Variants in CD101 observed in about 807,000 individuals in gnomAD.
The protein encoded by CD101 is CD101 molecule.
A neutral mutation model predicts 98.2 loss-of-function variants in CD101; 76 were observed. The observed-to-expected ratio is 0.77, with a 90% CI of 0.64 to 0.94. CD101 has a LOEUF of 0.94. CD101 is among the 40% of genes least tolerant of loss of function. The pLI, the probability that CD101 is intolerant of heterozygous loss-of-function variation, is 0.00. For synonymous variants in CD101, 471 were observed against 472.7 expected, an observed-to-expected ratio of 1.00 and a Z score of 0.05; for missense variants, 1,145 against 1,218.8, an observed-to-expected ratio of 0.94 and a Z score of 0.90.
intron 8 of CD101, among the ~76,000 whole-genome samples, chr1:117,027,244 T>C (rs1653999042): frequency 6.6e-6 from 1 of 152,218 alleles, no homozygotes; most frequent in African/African-American, 2.4e-5. Flanking sequence ...TGTACATCTA[T>C]GTGACAAAAT....
In CD101 at chr1:117,033,352, G is replaced by T. The variant is rs1184125229; in HGVS notation, c.2825-508G>T. On this transcript the variant is annotated intron_variant, in intron 8 of 9. Transcript: ENST00000682167. This position sits in a 1 kb window ranked among gnomAD's most constrained non-coding sequence, Gnocchi z 4.8. ...CCAGGCTTGGGTCAGCGGGGGTAGG[G>T]GCTTCTTATTGTGGGTGTGATTGTT... Among the ~76,000 whole-genome samples the T allele has an allele frequency of 1.3e-5, 2 of 152,034 alleles. No homozygotes were observed. The highest frequency in any genetic ancestry group is 4.8e-5 in the African/African-American group (2 of 41,370).
intron 8 of CD101, among the ~76,000 whole-genome samples, chr1:117,031,907 C>T (rs1045075042): frequency 1.3e-5 from 2 of 152,156 alleles, no homozygotes; most frequent in African/African-American, 4.8e-5. Context: ...TGCTCACAGC[C>T]AGTGCTTATA....
chr1:117,018,267 T>C lies in CD101; in HGVS notation c.1724T>C (p.Leu575Pro). Residue 575 changes from leucine (L) to proline (P), a missense_variant, in exon 6 of 10, where the codon CTC becomes CCC. Leu to Pro is a moderately conservative substitution (Grantham distance 98). Coordinates refer to ENST00000682167, the MANE Select transcript of CD101 (RefSeq NM_001256106.3). The surrounding 1 kb of genome is among the most constrained non-coding windows in gnomAD (Gnocchi z 4.3). The stretch of plus-strand genomic sequence containing the variant: ...GGTTACTCTGACCTCAAGGTGCCAC[T>C]CACTGTGACGTGGCAGTTCCAGCCA... Reference protein sequence around the residue: ...RAGYSDLKVPLTVTWQFQPAS... With the variant: ...RAGYSDLKVPPTVTWQFQPAS... 6.2e-7 allele frequency: 1 copy of C among 1,614,196 alleles called. No homozygotes were observed. Among genetic ancestry groups the C allele is most frequent in the Non-Finnish European group, 8.5e-7 (1 of 1,180,032 alleles).
At chr1:117,014,852 A>C (rs1167939563) in intron 4 of CD101, among the ~76,000 whole-genome samples, 1 of 152,214 alleles carries the variant, frequency 6.6e-6, no homozygotes, top group Non-Finnish European at 1.5e-5. Context: ...GCAGGCCAGG[A>C]AGTGTGTTGG....
intron 8 of CD101, among the ~76,000 whole-genome samples, chr1:117,029,179 G>GA (rs1385777833): frequency 2.1e-5 from 2 of 97,226 alleles, no homozygotes; most frequent in Non-Finnish European, 4.1e-5. Context: ...AAGAAAGAAA[G>GA]AAAGAAAGAA....
chr1:117,024,346 C>A (rs1457583508), intron 7 of CD101, among the ~76,000 whole-genome samples: 4 of 151,994 alleles, frequency 2.6e-5, no homozygotes. Context: ...GCATGGTGGC[C>A]CATGCCTGTA....
Position 117,017,459 on chromosome 1 carries a change from C to G in CD101, c.1598C>G (p.Thr533Ser), listed in dbSNP as rs749403466. ...DLSWTQKISV[T>S]VKSLESSLQV... Reference sequence around the variant, plus strand: ...AGCTGGACTCAGAAGATTTCAGTTACTGTAAAGTCTCTGGGTAAGTGTCAA... The same window carrying G: ...AGCTGGACTCAGAAGATTTCAGTTAGTGTAAAGTCTCTGGGTAAGTGTCAA... The change falls in exon 5 of 10, where the codon ACT becomes AGT. Residue 533 changes from threonine to serine, a missense_variant. Thr to Ser is a moderately conservative substitution (Grantham distance 58). Transcript: ENST00000682167. 1.2e-6 allele frequency: 2 copies of G among 1,609,898 alleles called. No homozygotes were observed. The highest frequency in any genetic ancestry group is 1.7e-6 in the Non-Finnish European group (2 of 1,177,058).
intron 6 of CD101, among the ~76,000 whole-genome samples, chr1:117,020,749 A>G (rs1192045432): frequency 3.3e-5 from 5 of 152,190 alleles, no homozygotes; most frequent in African/African-American, 1.2e-4. Flanking sequence ...TGAGCCACTG[A>G]GGGAAGATAT....
At chr1:117,025,001 C>A (rs1360481802) in intron 7 of CD101, among the ~76,000 whole-genome samples, 1 of 152,164 alleles carries the variant, frequency 6.6e-6, no homozygotes, top group Admixed American at 6.5e-5. Flanking sequence ...AGGAAAGAGG[C>A]TGGTTTGATT....
chr1:117,007,210 T>G (rs1189615059), intron 1 of CD101, among the ~76,000 whole-genome samples: 1 of 151,928 alleles, frequency 6.6e-6, no homozygotes, highest in Non-Finnish European at 1.5e-5. Flanking sequence ...AAGCACAAAG[T>G]AAAATCTGTA....
intron 1 of CD101, among the ~76,000 whole-genome samples, chr1:117,008,312 A>G (rs975537446): frequency 1.3e-5 from 2 of 152,120 alleles, no homozygotes; most frequent in South Asian, 2.1e-4. Context: ...TAAAAATATA[A>G]AACTTATCCA....
Position 117,021,857 on chromosome 1 carries a change from G to A in CD101, c.2302G>A (p.Val768Met), listed in dbSNP as rs2101138275. The A allele has an allele frequency of 3.1e-6, 5 of 1,614,210 alleles. No homozygotes were observed. The highest frequency in any genetic ancestry group is 4.2e-6 in the Non-Finnish European group (5 of 1,180,040). The part of the protein sequence containing the change: ...QDLFQLHILN[V>M]EDSDRGKYHC... ...CTTATTTCAGCTGCACATTCTGAAT[G>A]TGGAAGACAGCGATCGGGGCAAATA... Residue 768 changes from valine (V) to methionine (M), a missense_variant, in exon 7 of 10, where the codon GTG (valine) becomes ATG (methionine). Transcript: ENST00000682167. The surrounding 1 kb of genome is among the most constrained non-coding windows in gnomAD (Gnocchi z 4.7).
At position 117,013,342 on chromosome 1, in the gene CD101, C is replaced by T. The variant is rs1653000268; in HGVS notation, c.842-64C>T. ...CATCCTTACAGAGGGTGTCATCTCT[C>T]TCTGGTACTGAAAGGACAGAGGCTG... On this transcript the variant is annotated intron_variant, in intron 3 of 9. Coordinates refer to ENST00000682167, the MANE Select transcript of CD101 (RefSeq NM_001256106.3). The T allele has an allele frequency of 5.9e-6, 9 of 1,512,758 alleles. No individual in the cohort carries two copies. In the Admixed American group the frequency reaches 6.2e-5, roughly 10 times the overall value. The allele number at this position is 1,512,758 out of a possible 1,614,324, so 93.7% of individuals were successfully genotyped here.
rs758675974 is a variant in CD101, at chr1:117,034,095, C to T, written c.3060C>T (p.Gly1020=). The T allele has an allele frequency of 6.2e-7, 1 of 1,614,028 alleles. No individual in the cohort carries two copies. The highest frequency in any genetic ancestry group is 2.2e-5 in the East Asian group (1 of 44,886). The change falls in exon 9 of 10, where the codon GGC becomes GGT. Residue 1020 remains glycine (G), a synonymous_variant. Transcript: ENST00000682167. ...NRREDEEEDE[G]N ...GGGAAGACGAGGAGGAAGATGAAGGCAACTGAATCCCAAGAGGCACCTGCA... is the reference window on the plus strand; with the variant it reads ...GGGAAGACGAGGAGGAAGATGAAGGTAACTGAATCCCAAGAGGCACCTGCA...
intron 4 of CD101, among the ~76,000 whole-genome samples, chr1:117,014,221 G>A (rs1386346776): frequency 1.4e-5 from 2 of 147,834 alleles, no homozygotes; most frequent in Non-Finnish European, 3.0e-5. Context: ...GTGTGTGTGT[G>A]TGTGTGTGAT....
rs1351477387 is a variant in CD101, at chr1:117,033,730, G to A, written c.2825-130G>A. 8.4e-7 allele frequency: 1 copy of A among 1,185,340 alleles called. No individual in the cohort carries two copies. Among genetic ancestry groups the A allele is most frequent in the Non-Finnish European group, 1.2e-6 (1 of 843,206 alleles). 73.4% of individuals were successfully genotyped at this position (1,185,340 alleles called of 1,614,324 possible). A position where few individuals can be genotyped will look rare whatever the true frequency, so the allele number is the denominator to read the frequency against. On this transcript the variant is annotated intron_variant, in intron 8 of 9. Coordinates refer to ENST00000682167, the MANE Select transcript of CD101 (RefSeq NM_001256106.3). This position sits in a 1 kb window ranked among gnomAD's most constrained non-coding sequence, Gnocchi z 4.8. The stretch of plus-strand genomic sequence containing the variant: ...TCCTGTGCTCCTCATGATTTCAGGG[G>A]CCCACTGCTATTTGGCCCCATTATT...
chr1:117,017,939 T>G (rs1323537991), intron 5 of CD101, among the ~76,000 whole-genome samples: 1 of 152,180 alleles, frequency 6.6e-6, no homozygotes, highest in Non-Finnish European at 1.5e-5. Flanking sequence ...TTGTTGTGGC[T>G]GCTGGGAACA....
intron 8 of CD101, among the ~76,000 whole-genome samples, chr1:117,027,192 G>A (rs1053338396): frequency 2.6e-5 from 4 of 152,216 alleles, no homozygotes; most frequent in Middle Eastern, 3.4e-3. Context: ...CTCCAAACCC[G>A]CTGCACATAC....
At position 117,006,582 on chromosome 1, in the gene CD101, CAG is replaced by C. The variant is rs1652547075; in HGVS notation, c.44-3265_44-3264del. On this transcript the variant is annotated intron_variant, in intron 1 of 9. Transcript: ENST00000682167. This position sits in a 1 kb window ranked among gnomAD's most constrained non-coding sequence, Gnocchi z 4.4. The stretch of plus-strand genomic sequence containing the variant: ...TTGAGTAAGTCTTTTGATTCCTACT[CAG>C]AGTCTTGCCATGAAATCTCCTTCAC... Among the ~76,000 whole-genome samples the C allele has an allele frequency of 1.3e-5, 2 of 152,206 alleles. No homozygotes were observed. Among genetic ancestry groups the C allele is most frequent in the South Asian group, 2.1e-4 (1 of 4,820 alleles).
Sources: gnomAD v4.1 joint callset for allele counts (sites outside exome capture counted in the v4.1 genomes callset) on GRCh38, gnomAD v4.1.1 for gene constraint, Gnocchi (gnomAD v3.1) non-coding constraint, MANE v1.5 for transcripts, NCBI Gene and HGNC (gene_info 2026-07-23, HGNC 2026-07-21) for gene names.